TRAPPC13: variants seen among roughly 807,000 people sequenced by gnomAD.
TRAPPC13 encodes the protein REV7-interacting novel NHEJ regulator 1.
In TRAPPC13, 39 loss-of-function variants were observed where a neutral mutation model predicts 54.0. That is an observed-to-expected ratio of 0.72 (90% CI 0.56 to 0.94). TRAPPC13 has a LOEUF of 0.94. TRAPPC13 is among the 40% of genes least tolerant of loss of function. TRAPPC13 has a pLI of 0.00. For missense variants in TRAPPC13, 386 were observed against 488.1 expected (o/e 0.79, Z 1.97); for synonymous variants, 148 against 167.7 (o/e 0.88, Z 0.91).
chr5:65,653,803 A>G (rs1388988165), intron 7 of TRAPPC13, among the ~76,000 whole-genome samples: 1 of 152,206 alleles, frequency 6.6e-6, no homozygotes, highest in Non-Finnish European at 1.5e-5. Context: ...CTAGATGTTT[A>G]CAAAGTTGAT....
At chr5:65,633,991 T>G (rs1252498443) in intron 1 of TRAPPC13, among the ~76,000 whole-genome samples, 3 of 137,328 alleles carry the variant, frequency 2.2e-5, no homozygotes, top group African/African-American at 5.5e-5. Context: ...TTTTTTTTTT[T>G]TTTTTTTTTT....
chr5:65,659,308 A>G (rs868193928), intron 9 of TRAPPC13, among the ~76,000 whole-genome samples: 69 of 152,354 alleles, frequency 4.5e-4, no homozygotes, highest in Middle Eastern at 3.4e-3. Context: ...ATTATGCAAA[A>G]TAGTTTCACT....
chr5:65,650,124 C>T (rs1458711337), intron 5 of TRAPPC13, among the ~76,000 whole-genome samples: 1 of 140,584 alleles, frequency 7.1e-6, no homozygotes, highest in Non-Finnish European at 1.5e-5. Flanking sequence ...TCCCAAGGTG[C>T]TGGGATTACA....
Position 65,637,741 on chromosome 5 carries a change from T to G in TRAPPC13, c.261T>G (p.His87Gln). 1 of 1,575,942 alleles carries G rather than the reference T, an allele frequency of 6.3e-7. No homozygotes were observed. The part of the protein sequence containing the change: ...GETFSSYISV[H>Q]NDSNQVVKDI... ...CCTTTTCCAGTTATATCAGCGTTCA[T>G]AATGATAGCAATCAAGTTGTAAAAG... Residue 87 changes from histidine to glutamine, a missense_variant, in exon 4 of 13, where the codon CAT (histidine) becomes CAG (glutamine). Coordinates refer to ENST00000399438, the MANE Select transcript of TRAPPC13 (RefSeq NM_024941.4).
intron 4 of TRAPPC13, among the ~76,000 whole-genome samples, chr5:65,642,286 G>C (rs1755999012): frequency 6.6e-6 from 1 of 151,870 alleles, no homozygotes; most frequent in Non-Finnish European, 1.5e-5. Context: ...TTGTGCCACT[G>C]CACTCCAGCC....
chr5:65,658,395 A>G lies in TRAPPC13; in HGVS notation c.592A>G (p.Ile198Val). 1.3e-6 allele frequency: 2 copies of G among 1,599,806 alleles called. No homozygotes were observed. The highest frequency in any genetic ancestry group is 1.7e-6 in the Non-Finnish European group (2 of 1,172,006). Residue 198 changes from isoleucine (I) to valine (V), a missense_variant, in exon 9 of 13, where the codon ATT becomes GTT. By Grantham distance (29) the Ile-to-Val change is conservative. Transcript: ENST00000399438. The stretch of plus-strand genomic sequence containing the variant: ...TGATGAAGTATTTCTGGAAGCCCAG[A>G]TTCAGAATATGACAACCTCACCTAT... ...VTDEVFLEAQ[I>V]QNMTTSPMFM...
At chr5:65,628,592 C>A (rs1427207365) in intron 1 of TRAPPC13, among the ~76,000 whole-genome samples, 3 of 151,704 alleles carry the variant, frequency 2.0e-5, no homozygotes, top group Non-Finnish European at 2.9e-5. Flanking sequence ...CTCCCTCAGC[C>A]TCCTGAGTAG....
chr5:65,632,626 G>T (rs1481037415), intron 1 of TRAPPC13, among the ~76,000 whole-genome samples: 5 of 152,120 alleles, frequency 3.3e-5, no homozygotes, highest in African/African-American at 1.2e-4. Context: ...CCCTCTGCAG[G>T]TATTGTCAAT....
At chr5:65,664,477 T>TA (rs772252104) in intron 12 of TRAPPC13, 27 bp from the exon 13 acceptor site, 3 of 1,450,126 alleles carry the variant, frequency 2.1e-6, no homozygotes, top group Non-Finnish European at 2.8e-6. Context: ...AATGAAAACT[T>TA]AGACTCATCT....
At chr5:65,638,563 C>G (rs1039320932) in intron 4 of TRAPPC13, among the ~76,000 whole-genome samples, 1 of 152,074 alleles carries the variant, frequency 6.6e-6, no homozygotes, top group East Asian at 1.9e-4. Context: ...GGTAAGAGTC[C>G]GTAAGGTGGT....
chr5:65,654,161 T>C (rs1352141487), intron 7 of TRAPPC13, among the ~76,000 whole-genome samples: 2 of 152,186 alleles, frequency 1.3e-5, no homozygotes, highest in African/African-American at 4.8e-5. Context: ...GATTTGTGAA[T>C]AATTTTAAAA....
At chr5:65,653,406 A>G (rs972811246) in intron 7 of TRAPPC13, among the ~76,000 whole-genome samples, 17 of 152,280 alleles carry the variant, frequency 1.1e-4, no homozygotes, top group African/African-American at 2.9e-4. Context: ...TATTTTTACC[A>G]TCCACAATCT....
Position 65,652,539 on chromosome 5 carries a change from T to C in TRAPPC13, c.540T>C (p.Asn180=). 6.2e-7 allele frequency: 1 copy of C among 1,607,414 alleles called. No homozygotes were observed. The highest frequency in any genetic ancestry group is 1.3e-5 in the African/African-American group (1 of 74,890). ...KPLDVKTKFY[N]AESDLSSVTD... ...TGGATGTGAAAACCAAATTTTACAA[T>C]GCAGAGGTAAGTGTTGAGTGTTTAA... Residue 180 remains asparagine (N), a synonymous_variant, in exon 7 of 13, where the codon AAT becomes AAC. Coordinates refer to ENST00000399438, the MANE Select transcript of TRAPPC13 (RefSeq NM_024941.4).
intron 4 of TRAPPC13, among the ~76,000 whole-genome samples, chr5:65,638,200 A>G (rs768818372): frequency 1.3e-4 from 20 of 152,228 alleles, no homozygotes; most frequent in African/African-American, 7.2e-5. Context: ...GTTTGATACA[A>G]TAATTTTTAA....
Position 65,647,101 on chromosome 5 carries a change from A to T in TRAPPC13, c.347A>T (p.Asn116Ile), listed in dbSNP as rs757913989. The change falls in exon 5 of 13, where the codon AAT becomes ATT. Residue 116 changes from asparagine (N) to isoleucine (I), a missense_variant. Transcript: ENST00000399438. ...CAGCGTTTAAATCTTTCAGCCTCCA[A>T]TGCTGCAGTGGCTGAACTTAAACCG... The part of the protein sequence containing the change: ...SSQRLNLSAS[N>I]AAVAELKPDC... 2 of 1,561,148 alleles carry T rather than the reference A, an allele frequency of 1.3e-6. No homozygotes were observed. The highest frequency in any genetic ancestry group is 1.7e-6 in the Non-Finnish European group (2 of 1,151,104).
chr5:65,628,298 G>A (rs965069073), intron 1 of TRAPPC13, among the ~76,000 whole-genome samples: 4 of 152,062 alleles, frequency 2.6e-5, no homozygotes, highest in Non-Finnish European at 5.9e-5. Context: ...CTGTTTAATT[G>A]CCTGGATTAT....
chr5:65,662,367 A>T (rs1756877294), intron 11 of TRAPPC13: 3 of 377,430 alleles, frequency 7.9e-6, no homozygotes, highest in African/African-American at 6.4e-5. Flanking sequence ...ATTTTATTTC[A>T]TTCATTTGTC....
intron 5 of TRAPPC13, among the ~76,000 whole-genome samples, 181 bp from the exon 6 acceptor site, chr5:65,650,629 G>C (rs1756393723): frequency 6.6e-6 from 1 of 152,172 alleles, no homozygotes; most frequent in African/African-American, 2.4e-5. Flanking sequence ...TTACTAATCA[G>C]AGCTTTGTTG....
intron 11 of TRAPPC13, 80 bp from the exon 12 acceptor site, chr5:65,664,157 A>C: frequency 7.1e-7 from 1 of 1,411,290 alleles, no homozygotes. Flanking sequence ...AAACAAGTTT[A>C]CTGTCACTAG....
Sources: allele counts gnomAD v4.1 joint callset (sites outside exome capture counted in the v4.1 genomes callset), GRCh38; gene constraint gnomAD v4.1.1; transcripts MANE v1.5; gene names NCBI Gene and HGNC (gene_info 2026-07-23, HGNC 2026-07-21).